Variants in DDAH2 observed in about 807,000 individuals in gnomAD.
The protein encoded by DDAH2 is putative hydrolase DDAH2.
A neutral mutation model predicts 24.8 loss-of-function variants in DDAH2; 8 were observed. That is an observed-to-expected ratio of 0.32 (90% confidence interval 0.19 to 0.58). The LOEUF is 0.58. Ranked by LOEUF, DDAH2 falls within the 20% of genes least tolerant of loss-of-function variation. The pLI, the probability that DDAH2 is intolerant of heterozygous loss-of-function variation, is 0.87. For synonymous variants in DDAH2, 151 were observed against 166.1 expected (o/e 0.91, Z 0.70); for missense variants, 281 against 379.0 (o/e 0.74, Z 2.15).
Position 31,727,494 on chromosome 6 carries a change from A to C in DDAH2, c.741+49T>G, listed in dbSNP as rs770081706. The C allele has an allele frequency of 1.2e-6, 2 of 1,612,420 alleles. No homozygotes were observed. The highest frequency in any genetic ancestry group is 3.3e-5 in the Admixed American group (2 of 59,946). ...CTTCCTCCCACTAGGAAAGCCTGAA[A>C]CTCTTTTCTCTGATGGTGCTTGGTG... On this transcript the variant is annotated intron_variant, in intron 5 of 5. Coordinates refer to ENST00000375789, the MANE Select transcript of DDAH2 (RefSeq NM_001303007.2). This position sits in a 1 kb window ranked among gnomAD's most constrained non-coding sequence, Gnocchi z 6.0.
Position 31,728,464 on chromosome 6 carries a change from G to C in DDAH2, c.458C>G (p.Ala153Gly). The C allele has an allele frequency of 1.2e-6, 2 of 1,612,536 alleles. No individual in the cohort carries two copies. Among genetic ancestry groups the C allele is most frequent in the Non-Finnish European group, 1.7e-6 (2 of 1,179,908 alleles). Residue 153 changes from alanine (A) to glycine (G), a missense_variant, in exon 3 of 6, where the codon GCG becomes GGG. Coordinates refer to ENST00000375789, the MANE Select transcript of DDAH2 (RefSeq NM_001303007.2). This position sits in a 1 kb window ranked among gnomAD's most constrained non-coding sequence, Gnocchi z 9.8. ...CCCGCTCCGCACCCGGAACGTGTCC[G>C]CCACGATCTCAGCTCCTCGGTGATT... The part of the protein sequence containing the change: ...WTNHRGAEIV[A>G]DTFRDFAVST...
At position 31,727,554 on chromosome 6, in the gene DDAH2, T is replaced by A; in HGVS notation, c.730A>T (p.Asn244Tyr). 6.2e-7 allele frequency: 1 copy of A among 1,613,094 alleles called. No homozygotes were observed. Among genetic ancestry groups the A allele is most frequent in the East Asian group, 2.2e-5 (1 of 44,878 alleles). ...LLHRGGGDLPNSQEALQKLSD... is the reference protein window; with the variant it reads ...LLHRGGGDLPYSQEALQKLSD... ...CTGCCCTCTCTCACCTCCTGGCTGT[T>A]GGGCAGATCCCCACCTCCACGGTGC... Residue 244 changes from asparagine to tyrosine, a missense_variant, in exon 5 of 6, where the codon AAC becomes TAC. By Grantham distance (143) the Asn-to-Tyr change is moderately radical. Transcript: ENST00000375789. The surrounding 1 kb of genome is among the most constrained non-coding windows in gnomAD (Gnocchi z 6.0).
At position 31,728,856 on chromosome 6, in the gene DDAH2, G is replaced by A. The variant is rs1044656908; in HGVS notation, c.297+9C>T. The A allele has an allele frequency of 6.2e-7, 1 of 1,611,548 alleles. No homozygotes were observed. Among genetic ancestry groups the A allele is most frequent in the South Asian group, 1.1e-5 (1 of 91,006 alleles). On this transcript the variant is annotated intron_variant, in intron 1 of 5. Transcript: ENST00000375789. This position sits in a 1 kb window ranked among gnomAD's most constrained non-coding sequence, Gnocchi z 9.8. ...TTTCCCCATACCACACCCGCGCCACGGCGCTCACCTCTGGCCTACGAGCGG... is the reference window on the plus strand; with the variant it reads ...TTTCCCCATACCACACCCGCGCCACAGCGCTCACCTCTGGCCTACGAGCGG...
Position 31,728,913 on chromosome 6 carries a change from C to T in DDAH2, c.249G>A (p.Gly83=), listed in dbSNP as rs1469850673. ...AGGGCCGCGTGATTAGGGCCGTGTC[C>T]CCTTGGATCACGGCCGTGTCGCCAA... ...PLLGDTAVIQ[G]DTALITRPWS... is the part of the protein sequence containing the mutation. The change falls in exon 1 of 6, where the codon GGG becomes GGA. Residue 83 remains glycine (G), a synonymous_variant. Coordinates refer to ENST00000375789, the MANE Select transcript of DDAH2 (RefSeq NM_001303007.2). This position sits in a 1 kb window ranked among gnomAD's most constrained non-coding sequence, Gnocchi z 9.8. 1 of 1,613,114 alleles carries T rather than the reference C, an allele frequency of 6.2e-7. No homozygotes were observed.
chr6:31,728,645 C>T lies in DDAH2; in HGVS notation c.397+1G>A, dbSNP rs1257441013. On this transcript the variant is annotated splice_donor_variant, in intron 2 of 5. Transcript: ENST00000375789. LOFTEE classifies it high-confidence loss of function. The surrounding 1 kb of genome is among the most constrained non-coding windows in gnomAD (Gnocchi z 9.8). The stretch of plus-strand genomic sequence containing the variant: ...AGACCTATGCCTCCCCCCAGCCTCA[C>T]CGGTGAAGAGAACGTCAGTGCCATC... The T allele has an allele frequency of 6.8e-6, 11 of 1,612,948 alleles. No individual in the cohort carries two copies. Among genetic ancestry groups the T allele is most frequent in the Non-Finnish European group, 9.3e-6 (11 of 1,179,964 alleles).
chr6:31,729,245 A>C lies in DDAH2; in HGVS notation c.-84T>G. Reference sequence around the variant, plus strand: ...ACCTGTCTGGGAGAAGAAACAGAAAAGGAGGAGACAGAGAAAAAGACATGC... The same window carrying C: ...ACCTGTCTGGGAGAAGAAACAGAAACGGAGGAGACAGAGAAAAAGACATGC... On this transcript the variant is annotated 5_prime_UTR_variant, in exon 1 of 6. Transcript: ENST00000375789. This position sits in a 1 kb window ranked among gnomAD's most constrained non-coding sequence, Gnocchi z 6.7. The C allele has an allele frequency of 8.4e-7, 1 of 1,195,516 alleles. No homozygotes were observed. Among genetic ancestry groups the C allele is most frequent in the East Asian group, 2.3e-5 (1 of 42,574 alleles). The allele number at this position is 1,195,516 out of a possible 1,614,324, so 74.1% of individuals were successfully genotyped here.
In DDAH2 at chr6:31,729,258, G is replaced by A. The variant is rs1353930506; in HGVS notation, c.-97C>T. 7 of 1,112,062 alleles carry A rather than the reference G, an allele frequency of 6.3e-6. No homozygotes were observed. The highest frequency in any genetic ancestry group is 9.0e-6 in the Non-Finnish European group (7 of 775,654). The allele number at this position is 1,112,062 out of a possible 1,614,324, so 68.9% of individuals were successfully genotyped here. On this transcript the variant is annotated 5_prime_UTR_variant, in exon 1 of 6. Coordinates refer to ENST00000375789, the MANE Select transcript of DDAH2 (RefSeq NM_001303007.2). This position sits in a 1 kb window ranked among gnomAD's most constrained non-coding sequence, Gnocchi z 6.7. The stretch of plus-strand genomic sequence containing the variant: ...AAGAAACAGAAAAGGAGGAGACAGA[G>A]AAAAAGACATGCAGACAAGGGCGTT...
Position 31,728,420 on chromosome 6 carries a change from C to T in DDAH2, c.471+31G>A. The T allele has an allele frequency of 1.9e-6, 3 of 1,611,580 alleles. No individual in the cohort carries two copies. The highest frequency in any genetic ancestry group is 1.7e-5 in the Admixed American group (1 of 59,990). On this transcript the variant is annotated intron_variant, in intron 3 of 5. Coordinates refer to ENST00000375789, the MANE Select transcript of DDAH2 (RefSeq NM_001303007.2). The surrounding 1 kb of genome is among the most constrained non-coding windows in gnomAD (Gnocchi z 9.8). ...GCCCTTCCGACCCCCACCTGCACCC[C>T]CTCCCTCCCTAGGCTGGTCCCGCTC... is the stretch of plus-strand genomic sequence containing the variant.
In DDAH2 at chr6:31,729,299, C is replaced by T. The variant is rs1240283806; in HGVS notation, c.-138G>A. The T allele has an allele frequency of 6.8e-6, 5 of 731,824 alleles. No homozygotes were observed. The highest frequency in any genetic ancestry group is 1.8e-5 in the African/African-American group (1 of 56,362). The allele number at this position is 731,824 out of a possible 1,614,324, so 45.3% of individuals were successfully genotyped here. A position where few individuals can be genotyped will look rare whatever the true frequency, so the allele number is the denominator to read the frequency against. On this transcript the variant is annotated 5_prime_UTR_variant, in exon 1 of 6. Transcript: ENST00000375789. This position sits in a 1 kb window ranked among gnomAD's most constrained non-coding sequence, Gnocchi z 6.7. ...CAAGGGCGTTGGGGGTGGTTAAGAG[C>T]GCCCAGGTCTTCCTCCTGCCATCTC...
At position 31,728,986 on chromosome 6, in the gene DDAH2, T is replaced by C; in HGVS notation, c.176A>G (p.Gln59Arg). The change falls in exon 1 of 6, where the codon CAG becomes CGG. Residue 59 changes from glutamine to arginine, a missense_variant. Coordinates refer to ENST00000375789, the MANE Select transcript of DDAH2 (RefSeq NM_001303007.2). The surrounding 1 kb of genome is among the most constrained non-coding windows in gnomAD (Gnocchi z 9.8). ...GGKLRQRLGL[Q>R]LLELPPEESL... ...CTCCTCAGGTGGCAGTTCTAGCAGC[T>C]GTAGCCCCAGTCGTTGCCTCAGTTT... The C allele has an allele frequency of 1.2e-6, 2 of 1,613,104 alleles. No homozygotes were observed. The highest frequency in any genetic ancestry group is 2.2e-5 in the East Asian group (1 of 44,872).
chr6:31,728,310 A>G lies in DDAH2; in HGVS notation c.472-18T>C. The G allele has an allele frequency of 6.2e-7, 1 of 1,605,710 alleles. No homozygotes were observed. The highest frequency in any genetic ancestry group is 1.7e-5 in the Admixed American group (1 of 59,454). On this transcript the variant is annotated intron_variant, in intron 3 of 5. Transcript: ENST00000375789. This position sits in a 1 kb window ranked among gnomAD's most constrained non-coding sequence, Gnocchi z 9.8. ...GCGAAGTCCTAGGGAGAGCGAAGGGAGGTATTCAGGGGCGCGGGAGGGGTG... is the reference window on the plus strand; with the variant it reads ...GCGAAGTCCTAGGGAGAGCGAAGGGGGGTATTCAGGGGCGCGGGAGGGGTG...
In DDAH2 at chr6:31,727,381, GA is replaced by G; in HGVS notation, c.742-29del. Reference sequence around the variant, plus strand: ...GCACAGGGAAGACATGGAGTGGGGAGAGGGGAGTGAGACCTCAGGCTGAGCC... The same window carrying G: ...GCACAGGGAAGACATGGAGTGGGGAGGGGGAGTGAGACCTCAGGCTGAGCC... On this transcript the variant is annotated intron_variant, in intron 5 of 5. Coordinates refer to ENST00000375789, the MANE Select transcript of DDAH2 (RefSeq NM_001303007.2). This position sits in a 1 kb window ranked among gnomAD's most constrained non-coding sequence, Gnocchi z 6.0. The G allele has an allele frequency of 6.2e-7, 1 of 1,600,440 alleles. No individual in the cohort carries two copies. The highest frequency in any genetic ancestry group is 1.1e-5 in the South Asian group (1 of 90,398).
Position 31,728,312 on chromosome 6 carries a change from G to GT in DDAH2, c.472-21dup. ...GAAGTCCTAGGGAGAGCGAAGGGAGGTATTCAGGGGCGCGGGAGGGGTGAT... is the reference window on the plus strand; with the variant it reads ...GAAGTCCTAGGGAGAGCGAAGGGAGGTTATTCAGGGGCGCGGGAGGGGTGAT... On this transcript the variant is annotated intron_variant, in intron 3 of 5. Coordinates refer to ENST00000375789, the MANE Select transcript of DDAH2 (RefSeq NM_001303007.2). This position sits in a 1 kb window ranked among gnomAD's most constrained non-coding sequence, Gnocchi z 9.8. 6.2e-7 allele frequency: 1 copy of GT among 1,605,762 alleles called. No homozygotes were observed. Among genetic ancestry groups the GT allele is most frequent in the Non-Finnish European group, 8.5e-7 (1 of 1,175,158 alleles).
In DDAH2 at chr6:31,727,273, G is replaced by A; in HGVS notation, c.822C>T (p.Ser274=). 1 of 1,613,100 alleles carries A rather than the reference G, an allele frequency of 6.2e-7. No individual in the cohort carries two copies. The change falls in exon 6 of 6, where the codon TCC becomes TCT. Residue 274 remains serine, a synonymous_variant. Coordinates refer to ENST00000375789, the MANE Select transcript of DDAH2 (RefSeq NM_001303007.2). The surrounding 1 kb of genome is among the most constrained non-coding windows in gnomAD (Gnocchi z 6.0). ...GGCGTGTGCTGAGCACCAAGCAGAG[G>A]GAGCTGAGCCCGGCGCCAGCCTTCT... ...ELEKAGAGLS[S]LCLVLSTRPH... is the part of the protein sequence containing the mutation.
In DDAH2 at chr6:31,728,336, A is replaced by G. The variant is rs1807554669; in HGVS notation, c.472-44T>C. 1 of 1,605,722 alleles carries G rather than the reference A, an allele frequency of 6.2e-7. No individual in the cohort carries two copies. The highest frequency in any genetic ancestry group is 1.3e-5 in the African/African-American group (1 of 74,872). On this transcript the variant is annotated intron_variant, in intron 3 of 5. Transcript: ENST00000375789. This position sits in a 1 kb window ranked among gnomAD's most constrained non-coding sequence, Gnocchi z 9.8. Reference sequence around the variant, plus strand: ...GGTATTCAGGGGCGCGGGAGGGGTGATGGGGTATCTTCAAACATAGGCTGC... The same window carrying G: ...GGTATTCAGGGGCGCGGGAGGGGTGGTGGGGTATCTTCAAACATAGGCTGC...
Position 31,729,282 on chromosome 6 carries a change from T to C in DDAH2, c.-121A>G. 3.3e-6 allele frequency: 3 copies of C among 916,248 alleles called. No homozygotes were observed. Among genetic ancestry groups the C allele is most frequent in the African/African-American group, 1.7e-5 (1 of 59,996 alleles). The allele number at this position is 916,248 out of a possible 1,614,324, so 56.8% of individuals were successfully genotyped here. A position where few individuals can be genotyped will look rare whatever the true frequency, so the allele number is the denominator to read the frequency against. On this transcript the variant is annotated 5_prime_UTR_variant, in exon 1 of 6. Transcript: ENST00000375789. This position sits in a 1 kb window ranked among gnomAD's most constrained non-coding sequence, Gnocchi z 6.7. The stretch of plus-strand genomic sequence containing the variant: ...AGAAAAAGACATGCAGACAAGGGCG[T>C]TGGGGGTGGTTAAGAGCGCCCAGGT...
chr6:31,729,429 G>A (rs1006486341), upstream of DDAH2: 15 of 536,196 alleles, frequency 2.8e-5, no homozygotes, highest in Non-Finnish European at 4.9e-5. The surrounding 1 kb of genome is among the most constrained non-coding windows in gnomAD (Gnocchi z 6.7). Flanking sequence ...AGGAGCCTGA[G>A]GAACAAGGCT....
rs775065727 is a variant in DDAH2, at chr6:31,728,945, G to A, written c.217C>T (p.Pro73Ser). 6.2e-7 allele frequency: 1 copy of A among 1,613,118 alleles called. No individual in the cohort carries two copies. Among genetic ancestry groups the A allele is most frequent in the Admixed American group, 1.7e-5 (1 of 60,034 alleles). The change falls in exon 1 of 6, where the codon CCG (proline) becomes TCG (serine). Residue 73 changes from proline to serine, a missense_variant. Transcript: ENST00000375789. This position sits in a 1 kb window ranked among gnomAD's most constrained non-coding sequence, Gnocchi z 9.8. ...LPPEESLPLG[P>S]LLGDTAVIQG... ...ATCACGGCCGTGTCGCCAAGCAGCG[G>A]TCCCAGCGGCAATGACTCCTCAGGT... is the stretch of plus-strand genomic sequence containing the variant.
chr6:31,727,162 T>A lies in DDAH2; in HGVS notation c.*75A>T. 9.0e-7 allele frequency: 1 copy of A among 1,109,604 alleles called. No homozygotes were observed. Among genetic ancestry groups the A allele is most frequent in the Non-Finnish European group, 1.4e-6 (1 of 738,120 alleles). 68.7% of individuals were successfully genotyped at this position (1,109,604 alleles called of 1,614,324 possible). A position where few individuals can be genotyped will look rare whatever the true frequency, so the allele number is the denominator to read the frequency against. The stretch of plus-strand genomic sequence containing the variant: ...CCCAACTACTGCCTATTCAGCATTC[T>A]CTATCTAACCCTCCTTCCCCTTCTA... On this transcript the variant is annotated 3_prime_UTR_variant, in exon 6 of 6. Coordinates refer to ENST00000375789, the MANE Select transcript of DDAH2 (RefSeq NM_001303007.2). The surrounding 1 kb of genome is among the most constrained non-coding windows in gnomAD (Gnocchi z 6.0).
Sources: gnomAD v4.1 joint callset for allele counts on GRCh38, gnomAD v4.1.1 for gene constraint, Gnocchi (gnomAD v3.1) non-coding constraint, MANE v1.5 for transcripts, NCBI Gene and HGNC (gene_info 2026-07-23, HGNC 2026-07-21) for gene names.